The following UBTF variants were observed in gnomAD, a reference collection of about 807,000 sequenced individuals.
UBTF encodes the protein upstream binding transcription factor.
In UBTF, 8 loss-of-function variants were observed where a neutral mutation model predicts 112.3. The ratio of observed to expected loss-of-function variants is 0.07; its 90% CI spans 0.04 to 0.13. UBTF has a LOEUF of 0.13. Among genes scored for constraint, UBTF ranks in the 10% least tolerant of loss-of-function variants. UBTF has a pLI of 1.00. For missense variants in UBTF, 457 were observed against 982.1 expected, an observed-to-expected ratio of 0.47 and a Z score of 7.15; for synonymous variants, 417 against 373.1, an observed-to-expected ratio of 1.12 and a Z score of -1.36.
At chr17:44,212,746 G>A (rs543023363) in intron 7 of UBTF, 73 bp downstream of exon 7, 35 of 1,589,146 alleles carry the variant, frequency 2.2e-5, no homozygotes, top group Admixed American at 1.5e-4. Flanking sequence ...CACCGTGCCC[G>A]GCCGACCTGG....
intron 5 of UBTF, among the ~76,000 whole-genome samples, chr17:44,214,482 C>T (rs1016734560): frequency 6.6e-6 from 1 of 152,228 alleles, no homozygotes; most frequent in African/African-American, 2.4e-5. Context: ...GTCCACTCTA[C>T]CAGTTTCTTC....
In UBTF at chr17:44,209,403, C is replaced by T; in HGVS notation, c.1854G>A (p.Leu618=). 3 of 1,613,874 alleles carry T rather than the reference C, an allele frequency of 1.9e-6. No individual in the cohort carries two copies. Among genetic ancestry groups the T allele is most frequent in the Non-Finnish European group, 2.5e-6 (3 of 1,179,832 alleles). Residue 618 remains leucine (L), a synonymous_variant, in exon 17 of 21, where the codon CTG becomes CTA. Coordinates refer to ENST00000436088, the MANE Select transcript of UBTF (RefSeq NM_014233.4). The part of the protein sequence containing the change: ...SQSQKEHYKK[L]AEEQQKQYKV... ...TGTACTGCTTTTGCTGCTCCTCGGC[C>T]AGCTTTTTGTAGTGCTCCTTCTGGC...
Position 44,211,173 on chromosome 17 carries a change from C to T in UBTF, c.1090-21G>A, listed in dbSNP as rs747638569. On this transcript the variant is annotated intron_variant, in intron 11 of 20. Coordinates refer to ENST00000436088, the MANE Select transcript of UBTF (RefSeq NM_014233.4). The surrounding 1 kb of genome is among the most constrained non-coding windows in gnomAD (Gnocchi z 4.9). ...AGGCTCTGGACAGGAAAGAGGAGCA[C>T]GGGGCTGCATGCCTGGCACCCAGAC... The T allele has an allele frequency of 3.3e-5, 53 of 1,612,690 alleles. No individual in the cohort carries two copies. The highest frequency in any genetic ancestry group is 4.3e-5 in the Non-Finnish European group (51 of 1,179,722).
At position 44,219,555 on chromosome 17, in the gene UBTF, G is replaced by A. The variant is rs2047058414; in HGVS notation, c.-178C>T. ...CACAGCCGCAGCTCCCTCCCGCGGCGGCAGCGGCTCCTCCTCCGGGCGAGG... is the reference window on the plus strand; with the variant it reads ...CACAGCCGCAGCTCCCTCCCGCGGCAGCAGCGGCTCCTCCTCCGGGCGAGG... On this transcript the variant is annotated 5_prime_UTR_variant, in exon 1 of 21. Transcript: ENST00000436088. The A allele has an allele frequency of 6.4e-6, 1 of 157,124 alleles. No homozygotes were observed. The highest frequency in any genetic ancestry group is 1.4e-5 in the Non-Finnish European group (1 of 72,120). 9.7% of individuals were successfully genotyped at this position (157,124 alleles called of 1,614,324 possible).
intron 1 of UBTF, among the ~76,000 whole-genome samples, chr17:44,218,742 C>T (rs1567811200): frequency 2.0e-5 from 3 of 151,808 alleles, no homozygotes; most frequent in Admixed American, 6.5e-5. Flanking sequence ...CTCCTCCCGC[C>T]TCCCCCCGGC....
At chr17:44,210,712 G>A (rs2056613651) in intron 13 of UBTF, 80 bp downstream of exon 13, 2 of 1,526,322 alleles carry the variant, frequency 1.3e-6, no homozygotes, top group South Asian at 1.2e-5. Flanking sequence ...GGCCAGGGGC[G>A]AGGTGGCACG....
chr17:44,212,282 C>T (rs1297250018), intron 8 of UBTF, 62 bp downstream of exon 8: 7 of 1,431,624 alleles, frequency 4.9e-6, no homozygotes, highest in African/African-American at 1.4e-5. Context: ...GCGGTGGCCA[C>T]GGAGTCGGAG....
At chr17:44,218,980 C>T (rs1257934874) in intron 1 of UBTF, 1 of 149,898 alleles carries the variant, frequency 6.7e-6, no homozygotes, top group East Asian at 2.0e-4. Flanking sequence ...CCAGAGGCGC[C>T]GCCACCGCCC....
chr17:44,206,944 G>T lies in UBTF; in HGVS notation c.*298C>A. ...CACTCTCCGGTCCATTGTCCATGCC[G>T]GAACCGCAAGTGCAGAAGTGGGTGG... On this transcript the variant is annotated 3_prime_UTR_variant, in exon 21 of 21. Coordinates refer to ENST00000436088, the MANE Select transcript of UBTF (RefSeq NM_014233.4). The T allele has an allele frequency of 2.0e-6, 1 of 492,892 alleles. No homozygotes were observed. The highest frequency in any genetic ancestry group is 3.6e-6 in the Non-Finnish European group (1 of 280,556). The allele number at this position is 492,892 out of a possible 1,614,324, so 30.5% of individuals were successfully genotyped here.
intron 2 of UBTF, 92 bp downstream of exon 2, chr17:44,218,080 G>T: frequency 1.6e-6 from 2 of 1,280,460 alleles, no homozygotes; most frequent in Non-Finnish European, 2.3e-6. Flanking sequence ...AGTGTATGCA[G>T]ACTGAAAAAG....
rs377621850 is a variant in UBTF at position 44,212,497 on chromosome 17, CA to C, written c.661-44del. On this transcript the variant is annotated intron_variant, in intron 7 of 20. Transcript: ENST00000436088. ...TCAGACACGCACAGGCAGCCAGGGG[CA>C]GGGGGAGGGGGGAAGGGGGAAGGGG... The C allele has an allele frequency of 5.4e-3, 1,093 of 204,038 alleles. 10 individuals are homozygous for C. Among genetic ancestry groups the C allele is most frequent in the African/African-American group, 0.052 (1,007 of 19,366 alleles). The allele number at this position is 204,038 out of a possible 1,614,324, so 12.6% of individuals were successfully genotyped here.
At chr17:44,215,512 GC>G in intron 5 of UBTF, 141 bp downstream of exon 5, 1 of 1,030,822 alleles carries the variant, frequency 9.7e-7, no homozygotes, top group South Asian at 1.6e-5. Flanking sequence ...ATCAGGTGTG[GC>G]TGCCCAGGAC....
rs764667790 is a variant in UBTF at position 44,216,694 on chromosome 17, G to A, written c.69C>T (p.Ser23=). 1.2e-6 allele frequency: 2 copies of A among 1,614,050 alleles called. No homozygotes were observed. Among genetic ancestry groups the A allele is most frequent in the South Asian group, 1.1e-5 (1 of 91,076 alleles). ...CCAGCAAAGTCAGCATGTCTTCCTGGGACCAACGGTCTGGTAAAGAGTAAC... is the reference window on the plus strand; with the variant it reads ...CCAGCAAAGTCAGCATGTCTTCCTGAGACCAACGGTCTGGTAAAGAGTAAC... ...MAAPKGQDRW[S]QEDMLTLLEC... The change falls in exon 3 of 21, where the codon TCC becomes TCT. Residue 23 remains serine (S), a synonymous_variant. Coordinates refer to ENST00000436088, the MANE Select transcript of UBTF (RefSeq NM_014233.4).
At chr17:44,213,023 T>C in intron 6 of UBTF, 84 bp from the exon 7 acceptor site, 4 of 1,576,948 alleles carry the variant, frequency 2.5e-6, no homozygotes, top group Non-Finnish European at 3.5e-6. Flanking sequence ...CCAAGCCTCC[T>C]GGGCCTTTCA....
chr17:44,210,759 C>CG, intron 13 of UBTF, 33 bp downstream of exon 13: 1 of 1,552,172 alleles, frequency 6.4e-7, no homozygotes, highest in Non-Finnish European at 8.7e-7. Flanking sequence ...GGCAGCCCCC[C>CG]TGGGGGCACA....
At position 44,210,427 on chromosome 17, in the gene UBTF, C is replaced by G; in HGVS notation, c.1406G>C (p.Arg469Thr). Residue 469 changes from arginine (R) to threonine (T), a missense_variant, in exon 14 of 21, where the codon AGG (arginine) becomes ACG (threonine). Coordinates refer to ENST00000436088, the MANE Select transcript of UBTF (RefSeq NM_014233.4). Reference protein sequence around the residue: ...REAALKAQSERKPGGEREERG... With the variant: ...REAALKAQSETKPGGEREERG... ...TTCCTCGCGCTCCCCGCCGGGCTTCCTCTCCGACTGAGCCTTGAGCGCCGC... is the reference window on the plus strand; with the variant it reads ...TTCCTCGCGCTCCCCGCCGGGCTTCGTCTCCGACTGAGCCTTGAGCGCCGC... The G allele has an allele frequency of 1.2e-6, 2 of 1,613,966 alleles. No individual in the cohort carries two copies. Among genetic ancestry groups the G allele is most frequent in the Middle Eastern group, 1.7e-4 (1 of 6,058 alleles).
chr17:44,210,708 G>T, intron 13 of UBTF, 84 bp downstream of exon 13: 1 of 1,522,742 alleles, frequency 6.6e-7, no homozygotes. Flanking sequence ...AGGCGGCCAG[G>T]GGCGAGGTGG....
At position 44,207,861 on chromosome 17, in the gene UBTF, C is replaced by T. The variant is rs201459469; in HGVS notation, c.1953+3G>A. 3,548 of 1,614,064 alleles carry T rather than the reference C, an allele frequency of 2.2e-3. 7 individuals carry two copies. Among genetic ancestry groups the T allele is most frequent in the Non-Finnish European group, 2.6e-3 (3,099 of 1,180,032 alleles). ...CCCACTGCTGCTCTGCTCCCAGACTCACATTGGAGATGTACTCTTTATATG... is the reference window on the plus strand; with the variant it reads ...CCCACTGCTGCTCTGCTCCCAGACTTACATTGGAGATGTACTCTTTATATG... On this transcript the variant is annotated splice_donor_region_variant and intron_variant, in intron 18 of 20. Coordinates refer to ENST00000436088, the MANE Select transcript of UBTF (RefSeq NM_014233.4).
chr17:44,219,948 G>T (rs2047091044), upstream of UBTF, among the ~76,000 whole-genome samples: 1 of 151,154 alleles, frequency 6.6e-6, no homozygotes, highest in Non-Finnish European at 1.5e-5. Context: ...GCTCCGCGGG[G>T]GGCAGCTGGG....
Sources: gnomAD v4.1 joint callset for allele counts (sites outside exome capture counted in the v4.1 genomes callset) on GRCh38, gnomAD v4.1.1 for gene constraint, Gnocchi (gnomAD v3.1) non-coding constraint, MANE v1.5 for transcripts, NCBI Gene and HGNC (gene_info 2026-07-23, HGNC 2026-07-21) for gene names.